GRXCR1: variants seen among roughly 807,000 people sequenced by gnomAD.
GRXCR1 encodes glutaredoxin and cysteine rich domain containing 1.
A neutral mutation model predicts 27.3 loss-of-function variants in GRXCR1; 27 were observed. The ratio of observed to expected loss-of-function variants is 0.99; its 90% CI spans 0.73 to 1.37. GRXCR1 has a LOEUF of 1.37. Among genes scored for constraint, GRXCR1 ranks in the 40% most tolerant of loss-of-function variants. The probability of loss-of-function intolerance (pLI) is 0.00; values close to 1 mark genes in which losing one functional copy is unlikely to be tolerated. For synonymous variants in GRXCR1, 122 were observed against 131.1 expected (o/e 0.93, Z 0.47); for missense variants, 379 against 354.4 (o/e 1.07, Z -0.56).
At chr4:42,904,691 AATAAATACT>A (rs1418124524) in intron 1 of GRXCR1, among the ~76,000 whole-genome samples, 2 of 152,318 alleles carry the variant, frequency 1.3e-5, no homozygotes, top group African/African-American at 4.8e-5. Context: ...ATAAGTACTC[AATAAATACT>A]ATCATTTTTA....
intron 1 of GRXCR1, among the ~76,000 whole-genome samples, chr4:42,956,830 T>C (rs1248198014): frequency 6.6e-6 from 1 of 152,104 alleles, no homozygotes; most frequent in Non-Finnish European, 1.5e-5. Context: ...CACTGGTCCT[T>C]CTTTACTTAT....
chr4:42,900,210 C>G (rs1029439297), intron 1 of GRXCR1, among the ~76,000 whole-genome samples: 1 of 152,000 alleles, frequency 6.6e-6, no homozygotes, highest in African/African-American at 2.4e-5. Context: ...ATAATTATTG[C>G]CTGGAAGGGA....
Position 42,968,390 on chromosome 4 carries a change from A to G in GRXCR1, c.627+5256A>G, listed in dbSNP as rs570965137. Among the ~76,000 whole-genome samples the G allele has an allele frequency of 2.7e-4, 41 of 152,294 alleles. 1 individual carries two copies. The South Asian group carries it at 7.9e-3, about 29-fold the overall frequency. ...TTCTGGCAAAATAACAAAGTAAAAT[A>G]AAATTTTTAGGCTAGATGACTATAA... On this transcript the variant is annotated intron_variant, in intron 2 of 3. Transcript: ENST00000399770.
chr4:42,970,165 T>C (rs1264297283), intron 2 of GRXCR1, among the ~76,000 whole-genome samples: 1 of 152,174 alleles, frequency 6.6e-6, no homozygotes, highest in Non-Finnish European at 1.5e-5. Flanking sequence ...CCTCTGTGGC[T>C]CTGCAGAGTA....
At chr4:42,997,630 T>C (rs983917892) in intron 2 of GRXCR1, among the ~76,000 whole-genome samples, 3 of 152,116 alleles carry the variant, frequency 2.0e-5, no homozygotes, top group Non-Finnish European at 4.4e-5. Context: ...ACCTCCCCTA[T>C]GGGACTCTCA....
intron 2 of GRXCR1, among the ~76,000 whole-genome samples, chr4:42,968,545 A>G (rs16855173): frequency 0.047 from 7,110 of 152,148 alleles, 211 homozygotes; most frequent in African/African-American, 0.078. Flanking sequence ...AAATGTACAG[A>G]AAAGTGCACT....
At chr4:43,016,455 T>C (rs1712933777) in intron 2 of GRXCR1, among the ~76,000 whole-genome samples, 1 of 152,198 alleles carries the variant, frequency 6.6e-6, no homozygotes, top group Non-Finnish European at 1.5e-5. Flanking sequence ...GAAAAATTTT[T>C]AACCAAAAAT....
At chr4:42,936,251 T>C (rs1747455512) in intron 1 of GRXCR1, among the ~76,000 whole-genome samples, 1 of 151,902 alleles carries the variant, frequency 6.6e-6, no homozygotes, top group African/African-American at 2.4e-5. Flanking sequence ...TTTGCTGACA[T>C]CTGAGACCAC....
At chr4:42,952,553 TTCTTC>T (rs1356930308) in intron 1 of GRXCR1, among the ~76,000 whole-genome samples, 1 of 152,192 alleles carries the variant, frequency 6.6e-6, no homozygotes, top group African/African-American at 2.4e-5. Context: ...GTAGTTGTAC[TTCTTC>T]TTCCCATAAG....
chr4:43,008,852 T>C (rs537154690), intron 2 of GRXCR1, among the ~76,000 whole-genome samples: 17 of 152,362 alleles, frequency 1.1e-4, no homozygotes, highest in African/African-American at 3.8e-4. Context: ...CTTAAAATTT[T>C]AAAAGACAAC....
intron 1 of GRXCR1, among the ~76,000 whole-genome samples, chr4:42,939,349 T>C (rs1418800784): frequency 6.6e-6 from 1 of 152,106 alleles, no homozygotes; most frequent in Non-Finnish European, 1.5e-5. Context: ...TGTACGTTGA[T>C]TTTTATCCTG....
intron 2 of GRXCR1, among the ~76,000 whole-genome samples, chr4:42,982,517 C>G (rs376765390): frequency 0.028 from 3,270 of 118,430 alleles, 49 homozygotes; most frequent in South Asian, 0.057. Context: ...AATAAACATA[C>G]GTGTGCATGT....
At chr4:42,948,846 C>T (rs561992494) in intron 1 of GRXCR1, among the ~76,000 whole-genome samples, 11 of 152,212 alleles carry the variant, frequency 7.2e-5, no homozygotes, top group African/African-American at 2.4e-4. Flanking sequence ...GACCCTTTAG[C>T]AGCCGGCAAA....
At chr4:42,930,658 T>A (rs781407874) in intron 1 of GRXCR1, among the ~76,000 whole-genome samples, 4 of 151,930 alleles carry the variant, frequency 2.6e-5, no homozygotes, top group Non-Finnish European at 4.4e-5. Flanking sequence ...GTCATCAAGG[T>A]CTGGGTTAAA....
chr4:42,938,286 A>G (rs1747506801), intron 1 of GRXCR1, among the ~76,000 whole-genome samples: 2 of 151,902 alleles, frequency 1.3e-5, no homozygotes, highest in African/African-American at 4.8e-5. Flanking sequence ...AGTGACTAGT[A>G]CTCCATTGTG....
At chr4:42,932,215 C>T (rs987375227) in intron 1 of GRXCR1, among the ~76,000 whole-genome samples, 9 of 151,656 alleles carry the variant, frequency 5.9e-5, no homozygotes, top group African/African-American at 2.2e-4. Context: ...GTCTTTTGAC[C>T]AACATCTCGC....
intron 1 of GRXCR1, among the ~76,000 whole-genome samples, chr4:42,933,515 TC>T (rs1479653141): frequency 6.6e-6 from 1 of 151,972 alleles, no homozygotes; most frequent in Admixed American, 6.6e-5. Context: ...CTCTTCTTTT[TC>T]CTCACTGCTA....
intron 1 of GRXCR1, among the ~76,000 whole-genome samples, chr4:42,931,120 C>T (rs1166925575): frequency 6.6e-6 from 1 of 151,808 alleles, no homozygotes; most frequent in Non-Finnish European, 1.5e-5. Context: ...CTTCTCTCTT[C>T]TGTCCTTTAA....
In GRXCR1 at chr4:42,982,310, G is replaced by T. The variant is rs1329454313; in HGVS notation, c.627+19176G>T. Reference sequence around the variant, plus strand: ...TATGAGTGAGAATATGCGGTGTTTGGTTTTTTGTTCTTGCGATAGTTTACT... The same window carrying T: ...TATGAGTGAGAATATGCGGTGTTTGTTTTTTTGTTCTTGCGATAGTTTACT... On this transcript the variant is annotated intron_variant, in intron 2 of 3. Coordinates refer to ENST00000399770, the MANE Select transcript of GRXCR1 (RefSeq NM_001080476.3). 8.4e-5 allele frequency among the ~76,000 whole-genome samples: 12 copies of T among 143,240 alleles called. No homozygotes were observed. In the Admixed American group the frequency reaches 8.5e-4, roughly 10 times the overall value. 94.0% of individuals were successfully genotyped at this position (143,240 alleles called of 152,430 possible).
Sources: allele counts gnomAD v4.1 joint callset (sites outside exome capture counted in the v4.1 genomes callset), GRCh38; gene constraint gnomAD v4.1.1; transcripts MANE v1.5; gene names NCBI Gene and HGNC (gene_info 2026-07-23, HGNC 2026-07-21).